The following NBAS variants were observed in gnomAD, a reference collection of about 807,000 sequenced individuals.
The protein encoded by NBAS is NAG/BC035112 fusion.
In NBAS, 219 loss-of-function variants were observed where a neutral mutation model predicts 302.5. That is an observed-to-expected ratio of 0.72 (90% CI 0.65 to 0.81). NBAS has a LOEUF of 0.81. Ranked by LOEUF, NBAS falls within the 30% of genes least tolerant of loss-of-function variation. NBAS has a pLI of 0.00. For missense variants in NBAS, 2,932 were observed against 2,841.6 expected (o/e 1.03, Z -0.72); for synonymous variants, 1,118 against 1,021.6 (o/e 1.09, Z -1.80).
chr2:14,931,037 G>C, the NBAS span, among the ~76,000 whole-genome samples: 1 of 152,204 alleles, frequency 6.6e-6, no homozygotes, highest in African/African-American at 2.4e-5. Context: ...AATGGTGCTT[G>C]AAGTTCTGGG....
the NBAS span, among the ~76,000 whole-genome samples, chr2:15,040,842 C>A: frequency 6.6e-6 from 1 of 152,222 alleles, no homozygotes; most frequent in Non-Finnish European, 1.5e-5. Flanking sequence ...AATCCAAAGG[C>A]CCCATCGTAC....
the NBAS span, among the ~76,000 whole-genome samples, chr2:14,877,663 TA>T: frequency 6.6e-6 from 1 of 151,900 alleles, no homozygotes; most frequent in African/African-American, 2.4e-5. Flanking sequence ...TTCGCTCAAA[TA>T]TCATCATCCC....
At chr2:15,542,010 T>G (rs1482984659) in intron 6 of NBAS, among the ~76,000 whole-genome samples, 2 of 61,814 alleles carry the variant, frequency 3.2e-5, no homozygotes, top group Non-Finnish European at 3.7e-5. Context: ...GGTGGGGGGG[T>G]TCAGCCCCCC....
At chr2:14,825,519 C>A in the NBAS span, among the ~76,000 whole-genome samples, 1 of 152,168 alleles carries the variant, frequency 6.6e-6, no homozygotes, top group Non-Finnish European at 1.5e-5. Flanking sequence ...ATCCAGAATA[C>A]AAATGGCATA....
chr2:14,847,882 C>A, the NBAS span, among the ~76,000 whole-genome samples: 1 of 152,140 alleles, frequency 6.6e-6, no homozygotes, highest in Non-Finnish European at 1.5e-5. Flanking sequence ...TATGTTAGGT[C>A]ACAAAACAAG....
chr2:15,519,579 C>T (rs1420716234), intron 9 of NBAS, among the ~76,000 whole-genome samples: 1 of 152,140 alleles, frequency 6.6e-6, no homozygotes, highest in South Asian at 2.1e-4. Context: ...GTTGGGAATA[C>T]AGGCACATGC....
At chr2:14,877,309 CT>C in the NBAS span, among the ~76,000 whole-genome samples, 1 of 152,158 alleles carries the variant, frequency 6.6e-6, no homozygotes, top group African/African-American at 2.4e-5. Flanking sequence ...AATTAACTCT[CT>C]TTACATTCCA....
rs756319077 is a variant in NBAS, at chr2:15,238,483, C to T, written c.5928G>A (p.Leu1976=). Residue 1976 remains leucine (L), a synonymous_variant, in exon 45 of 52, where the codon CTG becomes CTA. Coordinates refer to ENST00000281513, the MANE Select transcript of NBAS (RefSeq NM_015909.4). The stretch of plus-strand genomic sequence containing the variant: ...ATTTCTTTACCTGCTCACTATTCTT[C>T]AGAGAAAGGATGAAGCTGTGGCTCA... The part of the protein sequence containing the change: ...ETLSHSFILS[L]KNSEQETLQK... 6.2e-6 allele frequency: 10 copies of T among 1,613,998 alleles called. No homozygotes were observed. The African/African-American group carries it at 1.2e-4, about 19-fold the overall frequency.
intron 44 of NBAS, among the ~76,000 whole-genome samples, chr2:15,240,442 A>AAT (rs1409930795): frequency 7.8e-5 from 11 of 141,708 alleles, no homozygotes; most frequent in African/African-American, 3.0e-4. Context: ...CTCTACTAAA[A>AAT]ATACAAAAAA....
At chr2:15,377,685 C>T (rs12616404) in intron 30 of NBAS, among the ~76,000 whole-genome samples, 2 of 152,130 alleles carry the variant, frequency 1.3e-5, no homozygotes, top group African/African-American at 2.4e-5. Flanking sequence ...AAAAGGTGTA[C>T]TAAATGCAGT....
At chr2:14,802,652 A>G in the NBAS span, among the ~76,000 whole-genome samples, 1 of 151,180 alleles carries the variant, frequency 6.6e-6, no homozygotes, top group Non-Finnish European at 1.5e-5. Flanking sequence ...ATGTCCAACA[A>G]TGATAGACTG....
chr2:15,560,787 C>T (rs763471592), intron 1 of NBAS, among the ~76,000 whole-genome samples: 6 of 152,084 alleles, frequency 3.9e-5, no homozygotes, highest in Non-Finnish European at 8.8e-5. Context: ...CTAGCCAGAC[C>T]GCGAGAAGGG....
the NBAS span, among the ~76,000 whole-genome samples, chr2:15,032,816 A>C: frequency 3.9e-3 from 596 of 152,324 alleles, 8 homozygotes; most frequent in African/African-American, 0.014. Context: ...GAAGGTTATC[A>C]TATGGGGCAG....
chr2:14,919,968 A>G, the NBAS span, among the ~76,000 whole-genome samples: 5 of 152,220 alleles, frequency 3.3e-5, no homozygotes, highest in Non-Finnish European at 7.3e-5. Context: ...ATGAATCACA[A>G]ATGTTCTTAA....
chr2:15,557,511 T>C (rs1390239508), intron 2 of NBAS, among the ~76,000 whole-genome samples: 3 of 152,194 alleles, frequency 2.0e-5, no homozygotes, highest in African/African-American at 4.8e-5. Context: ...TTTGTCATTA[T>C]GAAAACTGAA....
chr2:15,333,096 T>A (rs563266572), intron 35 of NBAS, among the ~76,000 whole-genome samples: 1 of 152,318 alleles, frequency 6.6e-6, no homozygotes, highest in African/African-American at 2.4e-5. Flanking sequence ...TATAGAGTAT[T>A]ACCAGAACAC....
At chr2:15,267,448 T>C (rs1378776522) in intron 44 of NBAS, among the ~76,000 whole-genome samples, 2 of 152,220 alleles carry the variant, frequency 1.3e-5, no homozygotes, top group Non-Finnish European at 2.9e-5. Flanking sequence ...GAAAACATTA[T>C]ATAACACTTT....
At chr2:15,342,859 A>C (rs919082610) in intron 35 of NBAS, among the ~76,000 whole-genome samples, 1 of 152,038 alleles carries the variant, frequency 6.6e-6, no homozygotes, top group Non-Finnish European at 1.5e-5. Flanking sequence ...TGAATTATTA[A>C]AATTAAAGCT....
the NBAS span, among the ~76,000 whole-genome samples, chr2:15,049,557 C>G: frequency 1.1e-3 from 175 of 152,344 alleles, 1 homozygote; most frequent in South Asian, 4.4e-3. Context: ...TTAAACAACT[C>G]TCCTCCCAGG....
Sources: allele counts gnomAD v4.1 joint callset (sites outside exome capture counted in the v4.1 genomes callset), GRCh38; gene constraint gnomAD v4.1.1; transcripts MANE v1.5; gene names NCBI Gene and HGNC (gene_info 2026-07-23, HGNC 2026-07-21).